HDAC9: variants seen among roughly 807,000 people sequenced by gnomAD.
HDAC9 encodes the protein MEF-2 interacting transcription repressor (MITR) protein.
Under a neutral mutation model 139.4 loss-of-function variants are expected in HDAC9, and 41 were observed. The ratio of observed to expected loss-of-function variants is 0.29; its 90% CI spans 0.23 to 0.38. The LOEUF is 0.38. Ranked by LOEUF, HDAC9 falls within the 10% of genes least tolerant of loss-of-function variation. The probability of loss-of-function intolerance (pLI) is 1.00; values close to 1 mark genes in which losing one functional copy is unlikely to be tolerated. For missense variants in HDAC9, 1,147 were observed against 1,297.0 expected, an observed-to-expected ratio of 0.88 and a Z score of 1.78; for synonymous variants, 517 against 476.2, an observed-to-expected ratio of 1.09 and a Z score of -1.12.
chr7:18,557,136 C>A (rs1427051766), intron 2 of HDAC9, among the ~76,000 whole-genome samples: 3 of 151,880 alleles, frequency 2.0e-5, no homozygotes, highest in African/African-American at 7.2e-5. Context: ...GCTCAGATTC[C>A]CAGCTACTGC....
intron 17 of HDAC9, among the ~76,000 whole-genome samples, chr7:18,814,245 C>T (rs1470199909): frequency 2.0e-5 from 3 of 152,006 alleles, no homozygotes; most frequent in Admixed American, 2.0e-4. Flanking sequence ...ATAATGGTTC[C>T]TGAAATAAAT....
At chr7:18,206,391 A>G (rs557797225) in intron 2 of HDAC9, among the ~76,000 whole-genome samples, 9 of 152,228 alleles carry the variant, frequency 5.9e-5, no homozygotes, top group East Asian at 1.9e-4. Flanking sequence ...TCTAAACTGT[A>G]TATTATTTAA....
At chr7:18,508,400 C>T (rs1800444041) in intron 2 of HDAC9, among the ~76,000 whole-genome samples, 2 of 152,178 alleles carry the variant, frequency 1.3e-5, no homozygotes, top group Admixed American at 1.3e-4. Flanking sequence ...ATTGTTACCT[C>T]TGCTTTGTGG....
intron 1 of HDAC9, among the ~76,000 whole-genome samples, chr7:18,110,314 A>G (rs1186007269): frequency 6.6e-6 from 1 of 152,224 alleles, no homozygotes; most frequent in African/African-American, 2.4e-5. Context: ...AAAAGTAACC[A>G]CTGTAGAAGA....
At chr7:18,262,518 A>C (rs1795745343) in intron 2 of HDAC9, among the ~76,000 whole-genome samples, 3 of 152,230 alleles carry the variant, frequency 2.0e-5, no homozygotes, top group Admixed American at 2.0e-4. Context: ...AAAGGGTATT[A>C]GATCACAATT....
intron 2 of HDAC9, among the ~76,000 whole-genome samples, chr7:18,565,087 C>T (rs992459248): frequency 6.6e-6 from 1 of 152,024 alleles, no homozygotes; most frequent in Admixed American, 6.6e-5. Context: ...ACCTCTGCCT[C>T]CCGGGTTCAA....
chr7:18,091,168 A>C (rs1583981342), intron 1 of HDAC9, among the ~76,000 whole-genome samples: 1 of 152,334 alleles, frequency 6.6e-6, no homozygotes, highest in East Asian at 1.9e-4. Flanking sequence ...CTAAATTACA[A>C]ATGGTTTATA....
intron 22 of HDAC9, among the ~76,000 whole-genome samples, chr7:18,909,565 G>T (rs545246799): frequency 3.6e-4 from 55 of 152,072 alleles, no homozygotes; most frequent in African/African-American, 1.3e-3. Flanking sequence ...GTTGAATTTT[G>T]TATATGGTGA....
intron 12 of HDAC9, among the ~76,000 whole-genome samples, chr7:18,722,277 T>G (rs1785201950): frequency 6.6e-6 from 1 of 152,218 alleles, no homozygotes; most frequent in African/African-American, 2.4e-5. Context: ...AGAGAATATG[T>G]AAAATAAATG....
chr7:18,292,130 C>T (rs1423625851), intron 1 of HDAC9, among the ~76,000 whole-genome samples: 2 of 151,958 alleles, frequency 1.3e-5, no homozygotes, highest in Admixed American at 6.6e-5. Context: ...ATAGTAATGG[C>T]TGTCATTTAT....
chr7:18,930,333 A>G (rs1804625690), intron 22 of HDAC9, among the ~76,000 whole-genome samples: 1 of 152,160 alleles, frequency 6.6e-6, no homozygotes, highest in Admixed American at 6.5e-5. Flanking sequence ...AGGTGTTATT[A>G]AGTTTACTGT....
intron 22 of HDAC9, among the ~76,000 whole-genome samples, chr7:18,935,502 G>GT (rs1166496526): frequency 3.3e-5 from 5 of 152,112 alleles, no homozygotes; most frequent in Admixed American, 2.6e-4. Flanking sequence ...AGAGTATTCA[G>GT]TTTTTTTATC....
At chr7:18,745,733 A>C (rs907757240) in intron 13 of HDAC9, among the ~76,000 whole-genome samples, 109 of 151,244 alleles carry the variant, frequency 7.2e-4, no homozygotes, top group African/African-American at 2.4e-3. Flanking sequence ...TTTTTAGTAG[A>C]GACGGGGTTT....
At chr7:18,875,141 A>C (rs1409609193) in intron 22 of HDAC9, among the ~76,000 whole-genome samples, 1 of 152,160 alleles carries the variant, frequency 6.6e-6, no homozygotes, top group African/African-American at 2.4e-5. Flanking sequence ...GTTCCTTAGC[A>C]ACTGGACACC....
chr7:18,794,508 G>A (rs1435551184), intron 17 of HDAC9, among the ~76,000 whole-genome samples: 1 of 152,192 alleles, frequency 6.6e-6, no homozygotes, highest in East Asian at 1.9e-4. Flanking sequence ...AATTTTGATA[G>A]GGTGAGCTCT....
intron 1 of HDAC9, among the ~76,000 whole-genome samples, chr7:18,449,171 T>G (rs1792567921): frequency 6.6e-6 from 1 of 152,066 alleles, no homozygotes; most frequent in Non-Finnish European, 1.5e-5. Context: ...CAAAAGTACA[T>G]GCACAAGAAT....
chr7:18,618,726 G>A (rs866413063), intron 6 of HDAC9, among the ~76,000 whole-genome samples: 3 of 120,050 alleles, frequency 2.5e-5, no homozygotes, highest in Non-Finnish European at 3.6e-5. Flanking sequence ...ACAGAATTTT[G>A]TATATATATA....
At chr7:18,615,018 A>C (rs146764364) in intron 6 of HDAC9, among the ~76,000 whole-genome samples, 191 of 152,302 alleles carry the variant, frequency 1.3e-3, no homozygotes, top group African/African-American at 4.4e-3. Context: ...GAAATTGTAC[A>C]TAATTCTCTT....
chr7:18,689,904 A>G (rs551135885), intron 12 of HDAC9, among the ~76,000 whole-genome samples: 1 of 152,188 alleles, frequency 6.6e-6, no homozygotes, highest in African/African-American at 2.4e-5. Flanking sequence ...ATTCTTGCAT[A>G]TATCTATAAG....
Sources: gnomAD v4.1 joint callset for allele counts (sites outside exome capture counted in the v4.1 genomes callset) on GRCh38, gnomAD v4.1.1 for gene constraint, MANE v1.5 for transcripts, NCBI Gene and HGNC (gene_info 2026-07-23, HGNC 2026-07-21) for gene names.